Variants in NIPAL2 observed in about 807,000 individuals in gnomAD.
NIPAL2 encodes the protein NIPA-like protein 2.
Under a neutral mutation model 48.9 loss-of-function variants are expected in NIPAL2, and 43 were observed. The observed-to-expected ratio is 0.88, with a 90% CI of 0.69 to 1.13. The LOEUF is 1.13. NIPAL2 is among the 50% of genes most tolerant of loss of function. The pLI, the probability that NIPAL2 is intolerant of heterozygous loss-of-function variation, is 0.00. For synonymous variants in NIPAL2, 167 were observed against 174.6 expected, an observed-to-expected ratio of 0.96 and a Z score of 0.34; for missense variants, 446 against 461.4, an observed-to-expected ratio of 0.97 and a Z score of 0.31.
At position 98,229,993 on chromosome 8, in the gene NIPAL2, A is replaced by G. The variant is rs1292408343; in HGVS notation, c.436+6162T>C. ...GTATACTCTTAAATTGTTACCATCTACATTTGACAAGTGAGGAAATTGAGT... is the reference window on the plus strand; with the variant it reads ...GTATACTCTTAAATTGTTACCATCTGCATTTGACAAGTGAGGAAATTGAGT... On this transcript the variant is annotated intron_variant, in intron 4 of 10. Coordinates refer to ENST00000430223, the MANE Select transcript of NIPAL2 (RefSeq NM_001321635.2). 2.0e-5 allele frequency among the ~76,000 whole-genome samples: 3 copies of G among 152,202 alleles called. No individual in the cohort carries two copies. The East Asian group carries it at 5.8e-4, about 29-fold the overall frequency.
chr8:98,251,418 A>G (rs1163453160), intron 3 of NIPAL2, among the ~76,000 whole-genome samples: 1 of 152,202 alleles, frequency 6.6e-6, no homozygotes, highest in Non-Finnish European at 1.5e-5. Context: ...CAATTTGCTT[A>G]TTCTATTGGA....
intron 1 of NIPAL2, among the ~76,000 whole-genome samples, chr8:98,278,889 G>A (rs1326630054): frequency 6.6e-6 from 1 of 152,114 alleles, no homozygotes; most frequent in Non-Finnish European, 1.5e-5. Context: ...TTCTGTGAGA[G>A]CAAAATTTGT....
chr8:98,261,025 C>G (rs1298668085), intron 1 of NIPAL2, among the ~76,000 whole-genome samples: 1 of 152,156 alleles, frequency 6.6e-6, no homozygotes, highest in Non-Finnish European at 1.5e-5. Flanking sequence ...CACACTGACA[C>G]CTCACACGGC....
At chr8:98,247,673 C>T (rs964567484) in intron 3 of NIPAL2, among the ~76,000 whole-genome samples, 1 of 152,078 alleles carries the variant, frequency 6.6e-6, no homozygotes, top group Non-Finnish European at 1.5e-5. Flanking sequence ...CTCCCTTTTT[C>T]TAATTCACAA....
intron 3 of NIPAL2, among the ~76,000 whole-genome samples, chr8:98,242,120 C>T (rs1346034376): frequency 3.9e-5 from 6 of 152,196 alleles, no homozygotes; most frequent in Non-Finnish European, 7.4e-5. Context: ...CGATCTATTG[C>T]ACAGCATGGT....
rs147471900 is a variant in NIPAL2 at position 98,258,134 on chromosome 8, CAAAA to C, written c.136-4051_136-4048del. Among the ~76,000 whole-genome samples, 1,083 of 152,250 alleles carry C rather than the reference CAAAA, an allele frequency of 7.1e-3. 14 individuals are homozygous for C. Among genetic ancestry groups the C allele is most frequent in the African/African-American group, 0.024 (1,013 of 41,520 alleles). ...AATGCTAAGTGAAATCAGCCAATCA[CAAAA>C]GAACAAATCTTGTGTGATTCCACTT... On this transcript the variant is annotated intron_variant, in intron 1 of 10. Coordinates refer to ENST00000430223, the MANE Select transcript of NIPAL2 (RefSeq NM_001321635.2).
Position 98,192,233 on chromosome 8 carries a change from G to A in NIPAL2, c.*745C>T, listed in dbSNP as rs1387753745. On this transcript the variant is annotated 3_prime_UTR_variant, in exon 11 of 11. Coordinates refer to ENST00000430223, the MANE Select transcript of NIPAL2 (RefSeq NM_001321635.2). Reference sequence around the variant, plus strand: ...TGTCTCTAACGCTTCATGAATTTATGTGTCAGCCTTGTGCAGGGGCTGTGC... The same window carrying A: ...TGTCTCTAACGCTTCATGAATTTATATGTCAGCCTTGTGCAGGGGCTGTGC... The A allele has an allele frequency of 6.6e-6, 1 of 152,116 alleles. No homozygotes were observed. The highest frequency in any genetic ancestry group is 6.5e-5 in the Admixed American group (1 of 15,280). The allele number at this position is 152,116 out of a possible 1,614,324, so 9.4% of individuals were successfully genotyped here.
chr8:98,196,075 G>T, intron 8 of NIPAL2, 70 bp from the exon 9 acceptor site: 1 of 891,994 alleles, frequency 1.1e-6, no homozygotes. Context: ...AATATTGTTT[G>T]TAAAATTATG....
At chr8:98,289,080 C>G (rs1053996053) in intron 1 of NIPAL2, among the ~76,000 whole-genome samples, 4 of 149,706 alleles carry the variant, frequency 2.7e-5, no homozygotes, top group African/African-American at 9.8e-5. Flanking sequence ...ATTTTTTCCA[C>G]TTTTTTCCTC....
rs1810305895 is a variant in NIPAL2, at chr8:98,191,552, A to C, written c.*1426T>G. 1.3e-5 allele frequency: 2 copies of C among 152,166 alleles called. No homozygotes were observed. The highest frequency in any genetic ancestry group is 1.3e-4 in the Admixed American group (2 of 15,282). 9.4% of individuals were successfully genotyped at this position (152,166 alleles called of 1,614,324 possible). ...CAAAGCTAAAAGACCTGAGCCATTA[A>C]GGTTACAGTCTCAATACCACCGAGT... On this transcript the variant is annotated 3_prime_UTR_variant, in exon 11 of 11. Transcript: ENST00000430223.
chr8:98,253,458 G>T (rs762400155), intron 2 of NIPAL2, among the ~76,000 whole-genome samples: 9 of 152,048 alleles, frequency 5.9e-5, no homozygotes, highest in Non-Finnish European at 1.3e-4. Flanking sequence ...TCATGATTTG[G>T]TTAAAAATTC....
chr8:98,216,543 T>G (rs1811583646), intron 5 of NIPAL2, among the ~76,000 whole-genome samples: 1 of 152,236 alleles, frequency 6.6e-6, no homozygotes, highest in Non-Finnish European at 1.5e-5. Flanking sequence ...CCCTTAGGTT[T>G]CTAATACCTG....
At chr8:98,242,388 T>C (rs1003535510) in intron 3 of NIPAL2, among the ~76,000 whole-genome samples, 2 of 152,262 alleles carry the variant, frequency 1.3e-5, no homozygotes, top group East Asian at 3.9e-4. Context: ...AGTCTCACTA[T>C]GTTGCCCAGG....
Position 98,236,149 on chromosome 8 carries a change from AC to A in NIPAL2, c.436+5del. Reference sequence around the variant, plus strand: ...CTACAATTACATGAATTAAATAATTACTTACCGAGTAAGTCTGAGGCTCTCA... The same window carrying A: ...CTACAATTACATGAATTAAATAATTATTACCGAGTAAGTCTGAGGCTCTCA... On this transcript the variant is annotated splice_donor_5th_base_variant and intron_variant, in intron 4 of 10. Coordinates refer to ENST00000430223, the MANE Select transcript of NIPAL2 (RefSeq NM_001321635.2). The A allele has an allele frequency of 6.4e-7, 1 of 1,554,350 alleles. No homozygotes were observed. Among genetic ancestry groups the A allele is most frequent in the Non-Finnish European group, 8.8e-7 (1 of 1,130,808 alleles).
intron 4 of NIPAL2, among the ~76,000 whole-genome samples, chr8:98,232,671 G>C (rs989196300): frequency 6.6e-6 from 1 of 152,070 alleles, no homozygotes; most frequent in African/African-American, 2.4e-5. Context: ...GGTTCCTCTA[G>C]TGTGGTCTTA....
chr8:98,208,172 G>T (rs7009145), intron 6 of NIPAL2, among the ~76,000 whole-genome samples: 61,333 of 151,896 alleles, frequency 0.4, 12,625 homozygotes, highest in South Asian at 0.53. Context: ...CTCTATTTTC[G>T]TAATTGTCAA....
chr8:98,242,658 G>A (rs1813057336), intron 3 of NIPAL2, among the ~76,000 whole-genome samples: 1 of 151,878 alleles, frequency 6.6e-6, no homozygotes, highest in African/African-American at 2.4e-5. Context: ...GCTAATTTTT[G>A]TATTTTTAGT....
intron 6 of NIPAL2, among the ~76,000 whole-genome samples, chr8:98,211,633 T>C (rs1254950527): frequency 6.6e-6 from 1 of 151,808 alleles, no homozygotes; most frequent in African/African-American, 2.4e-5. Context: ...TAAGAGGAAA[T>C]GAAGATTTAC....
At chr8:98,261,770 A>G (rs1814350937) in intron 1 of NIPAL2, among the ~76,000 whole-genome samples, 1 of 150,366 alleles carries the variant, frequency 6.7e-6, no homozygotes, top group African/African-American at 2.5e-5. Flanking sequence ...TTCAGGAAAT[A>G]CAGAGAACAC....
Sources: allele counts gnomAD v4.1 joint callset (sites outside exome capture counted in the v4.1 genomes callset), GRCh38; gene constraint gnomAD v4.1.1; transcripts MANE v1.5; gene names NCBI Gene and HGNC (gene_info 2026-07-23, HGNC 2026-07-21).